The following RBFOX1 variants were observed in gnomAD, a reference collection of about 807,000 sequenced individuals.
RBFOX1 encodes the protein RNA binding protein fox-1 homolog 1.
In RBFOX1, 8 loss-of-function variants were observed where a neutral mutation model predicts 57.7. The ratio of observed to expected loss-of-function variants is 0.14; its 90% CI spans 0.08 to 0.25. The LOEUF (loss-of-function observed/expected upper bound fraction) is 0.25. Ranked by LOEUF, RBFOX1 falls within the 10% of genes least tolerant of loss-of-function variation. The probability of loss-of-function intolerance (pLI) is 1.00; values close to 1 mark genes in which losing one functional copy is unlikely to be tolerated. For missense variants in RBFOX1, 611 were observed against 548.5 expected, an observed-to-expected ratio of 1.11 and a Z score of -1.14; for synonymous variants, 326 against 222.4, an observed-to-expected ratio of 1.47 and a Z score of -4.15.
intron 2 of RBFOX1, among the ~76,000 whole-genome samples, chr16:6,390,166 A>G (rs1321347504): frequency 6.6e-6 from 1 of 152,236 alleles, no homozygotes; most frequent in Admixed American, 6.5e-5. Flanking sequence ...TTGGCACTGT[A>G]TGCGTGCATA....
intron 4 of RBFOX1, among the ~76,000 whole-genome samples, chr16:7,135,993 T>C (rs542503157): frequency 5.5e-4 from 84 of 152,366 alleles, no homozygotes; most frequent in African/African-American, 1.9e-3. Context: ...CTAGGTGCTC[T>C]TCCTGTAAAG....
chr16:5,367,299 G>T (rs1056211534), intron 1 of RBFOX1, among the ~76,000 whole-genome samples: 1 of 152,206 alleles, frequency 6.6e-6, no homozygotes, highest in Admixed American at 6.5e-5. Flanking sequence ...TGATGCGGTT[G>T]CTCGCTCTGC....
At chr16:6,989,330 C>T (rs931517087) in intron 3 of RBFOX1, among the ~76,000 whole-genome samples, 1 of 152,130 alleles carries the variant, frequency 6.6e-6, no homozygotes, top group Non-Finnish European at 1.5e-5. Flanking sequence ...GTGCTTCTCT[C>T]TGTCTATCTG....
intron 3 of RBFOX1, among the ~76,000 whole-genome samples, chr16:5,793,744 CGTGT>C (rs370857188): frequency 2.0e-5 from 3 of 151,874 alleles, no homozygotes; most frequent in Non-Finnish European, 4.4e-5. Flanking sequence ...CATGTGCCTT[CGTGT>C]GTGTGTGTGC....
At chr16:6,926,778 G>A (rs1242266495) in intron 3 of RBFOX1, among the ~76,000 whole-genome samples, 1 of 152,130 alleles carries the variant, frequency 6.6e-6, no homozygotes, top group East Asian at 1.9e-4. Context: ...TGCTTCTGCT[G>A]GGTCTCTTGA....
intron 2 of RBFOX1, among the ~76,000 whole-genome samples, chr16:6,452,326 C>A (rs952397831): frequency 6.6e-6 from 1 of 151,340 alleles, no homozygotes; most frequent in Admixed American, 6.6e-5. Context: ...ATCCATGGTC[C>A]CTTCCTTCCA....
At chr16:5,738,460 T>C (rs11648585) in intron 3 of RBFOX1, among the ~76,000 whole-genome samples, 41,501 of 151,102 alleles carry the variant, frequency 0.27, 6,184 homozygotes, top group East Asian at 0.56. Flanking sequence ...GGTGAAACCC[T>C]GTCTCTGCTA....
intron 2 of RBFOX1, among the ~76,000 whole-genome samples, chr16:6,445,727 C>T (rs2094471430): frequency 6.6e-6 from 1 of 152,062 alleles, no homozygotes; most frequent in African/African-American, 2.4e-5. Context: ...GGACTACAGG[C>T]ACACACCACC....
intron 4 of RBFOX1, among the ~76,000 whole-genome samples, chr16:7,308,000 C>G (rs977833361): frequency 6.6e-6 from 1 of 152,190 alleles, no homozygotes; most frequent in African/African-American, 2.4e-5. Context: ...CTCATGGAAC[C>G]ATTCTTGCTT....
At chr16:6,563,538 A>G (rs2097212788) in intron 2 of RBFOX1, among the ~76,000 whole-genome samples, 11 of 152,104 alleles carry the variant, frequency 7.2e-5, no homozygotes, top group Admixed American at 7.2e-4. Context: ...TATGGTCAGG[A>G]GTTGGGTAAG....
At chr16:6,860,534 T>A (rs542796125) in intron 3 of RBFOX1, among the ~76,000 whole-genome samples, 1 of 152,188 alleles carries the variant, frequency 6.6e-6, no homozygotes. Context: ...TCAAGATGCA[T>A]GTAGTTTTGA....
intron 1 of RBFOX1, among the ~76,000 whole-genome samples, chr16:5,277,914 A>G (rs1294055558): frequency 1.3e-5 from 2 of 152,028 alleles, no homozygotes; most frequent in Non-Finnish European, 2.9e-5. Flanking sequence ...TGACACTTAG[A>G]TTGATTCCAT....
Position 7,083,211 on chromosome 16 carries a change from G to A in RBFOX1, c.27+31113G>A, listed in dbSNP as rs376186695. On this transcript the variant is annotated intron_variant, in intron 4 of 15. Coordinates refer to ENST00000550418, the MANE Select transcript of RBFOX1 (RefSeq NM_018723.4). ...GACAGTCCACGGAATGTTCCATTCCGTCTGTTTAACCTCTGGACTCCAGAG... is the reference window on the plus strand; with the variant it reads ...GACAGTCCACGGAATGTTCCATTCCATCTGTTTAACCTCTGGACTCCAGAG... 2.6e-4 allele frequency among the ~76,000 whole-genome samples: 39 copies of A among 152,122 alleles called. 1 individual carries two copies. Among genetic ancestry groups the A allele is most frequent in the South Asian group, 1.2e-3 (6 of 4,816 alleles).
chr16:5,579,260 C>G (rs1596331142), intron 2 of RBFOX1, among the ~76,000 whole-genome samples: 1 of 152,134 alleles, frequency 6.6e-6, no homozygotes, highest in South Asian at 2.1e-4. Flanking sequence ...CAGACAGGTG[C>G]TTATGCAGAA....
intron 3 of RBFOX1, among the ~76,000 whole-genome samples, chr16:6,717,067 C>T (rs1047690277): frequency 6.6e-6 from 1 of 152,122 alleles, no homozygotes; most frequent in Non-Finnish European, 1.5e-5. Flanking sequence ...ATGTGCAAAC[C>T]AAGAGTTCCC....
In RBFOX1 at chr16:6,774,118, C is replaced by T. The variant is rs376313897; in HGVS notation, c.-16+119468C>T. ...CAAGAATTGGACTTTTTGTAAAATA[C>T]CAAGTTATCGGAACAAAGACCGGCA... On this transcript the variant is annotated intron_variant, in intron 3 of 15. Transcript: ENST00000550418. 1.9e-5 allele frequency: 12 copies of T among 620,292 alleles called. No homozygotes were observed. The East Asian group carries it at 5.6e-4, about 29-fold the overall frequency. 38.4% of individuals were successfully genotyped at this position (620,292 alleles called of 1,614,324 possible).
intron 5 of RBFOX1, among the ~76,000 whole-genome samples, chr16:7,565,864 T>C (rs2091544190): frequency 6.6e-6 from 1 of 152,064 alleles, no homozygotes; most frequent in Non-Finnish European, 1.5e-5. Context: ...AGGCTGACTG[T>C]GGGGAGAATC....
chr16:6,130,926 T>C (rs1390293694), intron 1 of RBFOX1, among the ~76,000 whole-genome samples: 2 of 152,162 alleles, frequency 1.3e-5, no homozygotes, highest in Non-Finnish European at 2.9e-5. Context: ...GTCATAGTTG[T>C]AGACAAATTT....
At chr16:7,377,003 C>T (rs946443983) in intron 4 of RBFOX1, among the ~76,000 whole-genome samples, 4 of 152,148 alleles carry the variant, frequency 2.6e-5, no homozygotes, top group African/African-American at 7.2e-5. Context: ...CTTGGAAAAG[C>T]AGTGATTTCC....
Sources: allele counts gnomAD v4.1 joint callset (sites outside exome capture counted in the v4.1 genomes callset), GRCh38; gene constraint gnomAD v4.1.1; transcripts MANE v1.5; gene names NCBI Gene and HGNC (gene_info 2026-07-23, HGNC 2026-07-21).